RGS7: variants seen among roughly 807,000 people sequenced by gnomAD.
The protein encoded by RGS7 is regulator of G protein signaling 7.
Under a neutral mutation model 81.1 loss-of-function variants are expected in RGS7, and 27 were observed. The ratio of observed to expected loss-of-function variants is 0.33; its 90% CI spans 0.25 to 0.46. The LOEUF (loss-of-function observed/expected upper bound fraction) is 0.46. RGS7 is among the 20% of genes least tolerant of loss of function. The pLI is 1.00. For missense variants in RGS7, 396 were observed against 607.4 expected, an observed-to-expected ratio of 0.65 and a Z score of 3.66; for synonymous variants, 208 against 207.7, an observed-to-expected ratio of 1.00 and a Z score of -0.01.
At chr1:240,878,920 TTTTTATTTTTTCC>T (rs1349975537) in intron 6 of RGS7, among the ~76,000 whole-genome samples, 3 of 152,220 alleles carry the variant, frequency 2.0e-5, no homozygotes, top group Non-Finnish European at 4.4e-5. Context: ...GTTTTTTTTC[TTTTTATTTTTTCC>T]TTTTTCTATT....
intron 2 of RGS7, among the ~76,000 whole-genome samples, chr1:241,266,484 CTTGGTTCCATAA>C (rs1452048653): frequency 2.6e-5 from 4 of 152,156 alleles, no homozygotes; most frequent in African/African-American, 9.7e-5. Context: ...TCAGGATTAT[CTTGGTTCCATAA>C]TTGGCTAAAT....
At chr1:241,219,847 T>A (rs1248495806) in intron 2 of RGS7, among the ~76,000 whole-genome samples, 1 of 152,016 alleles carries the variant, frequency 6.6e-6, no homozygotes, top group Non-Finnish European at 1.5e-5. Context: ...ATGTCAAAAA[T>A]TTTTCATTCT....
intron 2 of RGS7, among the ~76,000 whole-genome samples, chr1:241,239,478 C>T (rs927454422): frequency 2.0e-5 from 3 of 152,148 alleles, no homozygotes; most frequent in African/African-American, 7.2e-5. Flanking sequence ...TAGATACAGC[C>T]TTTCAGGATA....
chr1:241,183,718 T>C (rs747014813), intron 2 of RGS7, among the ~76,000 whole-genome samples: 12 of 152,188 alleles, frequency 7.9e-5, no homozygotes, highest in Non-Finnish European at 1.8e-4. Flanking sequence ...ACCTGAATTC[T>C]AGTAAGAGAG....
chr1:240,799,253 T>G (rs3932693), intron 18 of RGS7, among the ~76,000 whole-genome samples: 16 of 59,254 alleles, frequency 2.7e-4, no homozygotes, highest in East Asian at 6.3e-4. Context: ...TTATTATGGT[T>G]TGTGTGTGTG....
At chr1:240,880,619 G>A (rs976894656) in intron 6 of RGS7, among the ~76,000 whole-genome samples, 6 of 152,180 alleles carry the variant, frequency 3.9e-5, no homozygotes, top group African/African-American at 1.2e-4. Context: ...CTGGTGCCAC[G>A]CTCATGCCTA....
intron 2 of RGS7, among the ~76,000 whole-genome samples, chr1:241,295,689 A>G (rs890403577): frequency 6.6e-6 from 1 of 152,200 alleles, no homozygotes; most frequent in African/African-American, 2.4e-5. Flanking sequence ...ATTTTGAATT[A>G]GAAAGGGCTG....
At chr1:240,843,552 C>T (rs1658510697) in intron 9 of RGS7, among the ~76,000 whole-genome samples, 1 of 152,178 alleles carries the variant, frequency 6.6e-6, no homozygotes, top group African/African-American at 2.4e-5. Context: ...AGGCATGAGC[C>T]ACTATGCCCG....
intron 2 of RGS7, among the ~76,000 whole-genome samples, chr1:241,341,669 AT>A (rs2082556358): frequency 6.6e-6 from 1 of 152,090 alleles, no homozygotes; most frequent in Non-Finnish European, 1.5e-5. Context: ...ACTGTGCATT[AT>A]TGTGTGCCAG....
chr1:240,930,956 C>G (rs974623440), intron 5 of RGS7, among the ~76,000 whole-genome samples, 188 bp from the exon 6 acceptor site: 2 of 152,142 alleles, frequency 1.3e-5, no homozygotes, highest in Non-Finnish European at 2.9e-5. Flanking sequence ...ACCAATTGCT[C>G]AGCTTCTAAA....
chr1:241,206,680 C>T (rs2073907728), intron 2 of RGS7, among the ~76,000 whole-genome samples: 1 of 152,140 alleles, frequency 6.6e-6, no homozygotes, highest in South Asian at 2.1e-4. Context: ...AGCTGCCCTT[C>T]CTCAGTTCCT....
chr1:241,166,606 C>T (rs1038555933), intron 2 of RGS7, among the ~76,000 whole-genome samples: 3 of 152,076 alleles, frequency 2.0e-5, no homozygotes, highest in Non-Finnish European at 4.4e-5. Flanking sequence ...ACAGAATTAT[C>T]GTGAATAAGT....
At chr1:240,811,886 C>T (rs369118718) in intron 14 of RGS7, 32 bp downstream of exon 14, 2 of 1,577,112 alleles carry the variant, frequency 1.3e-6, no homozygotes, top group South Asian at 1.1e-5. Flanking sequence ...CAGTATTTCT[C>T]TGGCTTATAA....
At chr1:241,343,178 C>T (rs1244142745) in intron 2 of RGS7, among the ~76,000 whole-genome samples, 2 of 151,112 alleles carry the variant, frequency 1.3e-5, no homozygotes, top group East Asian at 2.0e-4. Context: ...AGGAGAATGG[C>T]GTGAACCCGG....
intron 2 of RGS7, among the ~76,000 whole-genome samples, chr1:241,300,338 T>C (rs773547077): frequency 1.2e-4 from 19 of 152,216 alleles, no homozygotes; most frequent in Non-Finnish European, 2.1e-4. Flanking sequence ...ATATATTCTA[T>C]GGGTTTGGAC....
At chr1:241,107,736 T>C (rs2065212736) in intron 2 of RGS7, among the ~76,000 whole-genome samples, 1 of 152,166 alleles carries the variant, frequency 6.6e-6, no homozygotes. Flanking sequence ...CTGAATCTCA[T>C]TATTTAATGC....
chr1:240,981,541 G>C (rs746290594), intron 4 of RGS7, among the ~76,000 whole-genome samples: 6 of 152,120 alleles, frequency 3.9e-5, no homozygotes, highest in Non-Finnish European at 5.9e-5. Flanking sequence ...GGGATTATTT[G>C]TCTGGTCCTA....
rs533457074 is a variant in RGS7, at chr1:241,275,852, T to C, written c.78+79847A>G. On this transcript the variant is annotated intron_variant, in intron 2 of 18. Transcript: ENST00000440928. ...CAAAGAGATACAGCAACCAAAGAAA[T>C]CAAACCAGTAAAAGAAAGGTTTATT... Among the ~76,000 whole-genome samples, 24 of 152,222 alleles carry C rather than the reference T, an allele frequency of 1.6e-4. 1 individual carries two copies. Among genetic ancestry groups the C allele is most frequent in the African/African-American group, 5.5e-4 (23 of 41,528 alleles).
At chr1:240,854,485 C>T (rs1660713978) in intron 9 of RGS7, among the ~76,000 whole-genome samples, 1 of 152,200 alleles carries the variant, frequency 6.6e-6, no homozygotes, top group African/African-American at 2.4e-5. Flanking sequence ...ATTTCACCCT[C>T]TCCTAATGCA....
Sources: allele counts gnomAD v4.1 joint callset (sites outside exome capture counted in the v4.1 genomes callset), GRCh38; gene constraint gnomAD v4.1.1; transcripts MANE v1.5; gene names NCBI Gene and HGNC (gene_info 2026-07-23, HGNC 2026-07-21).